Variants in STK39 observed in about 807,000 individuals in gnomAD.
STK39 encodes the protein STE20/SPS1-related proline-alanine-rich protein kinase.
In STK39, 20 loss-of-function variants were observed where a neutral mutation model predicts 77.8. That is an observed-to-expected ratio of 0.26 (90% confidence interval 0.18 to 0.37). STK39 has a LOEUF of 0.37. STK39 is among the 10% of genes least tolerant of loss of function. The pLI is 1.00. For missense variants in STK39, 479 were observed against 656.5 expected (o/e 0.73, Z 2.95); for synonymous variants, 246 against 234.1 (o/e 1.05, Z -0.47).
At chr2:168,182,146 T>C (rs1405116666) in intron 1 of STK39, 56 bp from the exon 2 acceptor site, 1 of 1,421,262 alleles carries the variant, frequency 7.0e-7, no homozygotes, top group Non-Finnish European at 9.9e-7. Context: ...GAGGTTACTA[T>C]CTGTAACTAT....
chr2:167,966,329 G>C (rs927041352), intron 16 of STK39, among the ~76,000 whole-genome samples: 5 of 152,186 alleles, frequency 3.3e-5, no homozygotes, highest in African/African-American at 1.2e-4. Context: ...ACCAAAGCCA[G>C]TATTTATCAT....
chr2:167,973,254 T>C (rs963071750), intron 16 of STK39, among the ~76,000 whole-genome samples: 3 of 152,102 alleles, frequency 2.0e-5, no homozygotes, highest in Non-Finnish European at 4.4e-5. Flanking sequence ...ACATTTGGAC[T>C]AAATTAGGCA....
rs544903175 is a variant in STK39, at chr2:168,085,932, T to C, written c.1090-10701A>G. Among the ~76,000 whole-genome samples the C allele has an allele frequency of 3.3e-5, 5 of 152,312 alleles. No individual in the cohort carries two copies. In the South Asian group the frequency reaches 1.0e-3, roughly 32 times the overall value. On this transcript the variant is annotated intron_variant, in intron 10 of 17. Transcript: ENST00000355999. ...GAAGTCTTTAAGTGCCATGTAAGCA[T>C]TCCAACTGCCTTCAGACCCCTGTGC...
intron 17 of STK39, among the ~76,000 whole-genome samples, chr2:167,960,140 A>G (rs1691908703): frequency 6.6e-6 from 1 of 152,218 alleles, no homozygotes; most frequent in African/African-American, 2.4e-5. Flanking sequence ...AAAACTCCCA[A>G]GTGGAAGGTT....
At chr2:168,075,086 T>C (rs1686043834) in intron 11 of STK39, 23 bp downstream of exon 11, 1 of 1,614,054 alleles carries the variant, frequency 6.2e-7, no homozygotes, top group Admixed American at 1.7e-5. Flanking sequence ...ACAGATTAGC[T>C]CATCGTCAAC....
At chr2:168,178,544 A>G (rs1689007948) in intron 2 of STK39, among the ~76,000 whole-genome samples, 1 of 152,216 alleles carries the variant, frequency 6.6e-6, no homozygotes, top group Non-Finnish European at 1.5e-5. Flanking sequence ...GATGGGCTTA[A>G]GCATAATACA....
chr2:168,171,869 CACACA>C (rs1688837928), intron 2 of STK39, among the ~76,000 whole-genome samples: 2 of 124,402 alleles, frequency 1.6e-5, no homozygotes, highest in Non-Finnish European at 3.2e-5. Flanking sequence ...CCCTCCCCCC[CACACA>C]CAAAACATTA....
intron 1 of STK39, among the ~76,000 whole-genome samples, chr2:168,236,594 G>C (rs995851216): frequency 6.6e-6 from 1 of 152,146 alleles, no homozygotes; most frequent in African/African-American, 2.4e-5. Flanking sequence ...GGTCTAACAT[G>C]TAAGTCTTTA....
chr2:168,198,279 T>G (rs1689525147), intron 1 of STK39, among the ~76,000 whole-genome samples: 1 of 152,194 alleles, frequency 6.6e-6, no homozygotes. Context: ...AACCTATTAA[T>G]AATTACATTA....
intron 8 of STK39, among the ~76,000 whole-genome samples, chr2:168,133,856 TA>T (rs5836171): frequency 2.7e-5 from 4 of 148,842 alleles, no homozygotes; most frequent in Admixed American, 1.3e-4. Flanking sequence ...AGACTCTGTC[TA>T]AAAAAAAAAG....
At chr2:168,146,132 C>G (rs1043545439) in intron 5 of STK39, among the ~76,000 whole-genome samples, 1 of 152,206 alleles carries the variant, frequency 6.6e-6, no homozygotes, top group African/African-American at 2.4e-5. Flanking sequence ...CATCTGGAAT[C>G]TTGGCATGTC....
At chr2:167,998,228 C>T (rs577684661) in intron 16 of STK39, among the ~76,000 whole-genome samples, 10 of 152,222 alleles carry the variant, frequency 6.6e-5, no homozygotes, top group East Asian at 3.8e-4. Context: ...CCGGTTCACC[C>T]GGACAAAGGT....
chr2:168,076,928 C>T (rs541545430), intron 10 of STK39, among the ~76,000 whole-genome samples: 3 of 152,220 alleles, frequency 2.0e-5, no homozygotes, highest in East Asian at 1.9e-4. Flanking sequence ...GAACAGATTG[C>T]TCATTTTAAT....
At chr2:168,218,969 C>T (rs1172369203) in intron 1 of STK39, among the ~76,000 whole-genome samples, 2 of 151,862 alleles carry the variant, frequency 1.3e-5, no homozygotes, top group Non-Finnish European at 2.9e-5. Context: ...ACGAAATAAG[C>T]TATAATTATG....
At chr2:168,044,150 C>T (rs569657742) in intron 14 of STK39, among the ~76,000 whole-genome samples, 2 of 152,188 alleles carry the variant, frequency 1.3e-5, no homozygotes. Context: ...AAGTAAATAA[C>T]AATAGCTGAC....
intron 10 of STK39, among the ~76,000 whole-genome samples, chr2:168,114,725 G>C (rs1466527528): frequency 1.3e-5 from 2 of 152,172 alleles, no homozygotes; most frequent in Non-Finnish European, 2.9e-5. Context: ...CTTGAGTGTA[G>C]GCACTGGTCA....
chr2:167,959,360 C>T (rs1278447189), intron 17 of STK39, among the ~76,000 whole-genome samples: 3 of 151,792 alleles, frequency 2.0e-5, no homozygotes, highest in Admixed American at 6.6e-5. Context: ...CTCCTGACCT[C>T]GTGATCCACA....
intron 12 of STK39, among the ~76,000 whole-genome samples, chr2:168,072,192 A>C (rs754852819): frequency 1.1e-4 from 17 of 152,248 alleles, no homozygotes; most frequent in Non-Finnish European, 2.4e-4. Flanking sequence ...TTTAAAAATG[A>C]CACGCTAGAT....
rs777023649 is a variant in STK39 at position 168,075,156 on chromosome 2, T to C, written c.1165A>G (p.Met389Val). 3 of 1,614,168 alleles carry C rather than the reference T, an allele frequency of 1.9e-6. No individual in the cohort carries two copies. Among genetic ancestry groups the C allele is most frequent in the South Asian group, 2.2e-5 (2 of 91,084 alleles). Residue 389 changes from methionine to valine, a missense_variant, in exon 11 of 18, where the codon ATG becomes GTG. Coordinates refer to ENST00000355999, the MANE Select transcript of STK39 (RefSeq NM_013233.3). The stretch of plus-strand genomic sequence containing the variant: ...TTCCCTTCTTCGCTCTTCTCATCCA[T>C]CTCGTCGTCACTCCACTCCCAGTCC... ...DGDWEWSDDE[M>V]DEKSEEGKAA...
Sources: allele counts gnomAD v4.1 joint callset (sites outside exome capture counted in the v4.1 genomes callset), GRCh38; gene constraint gnomAD v4.1.1; transcripts MANE v1.5; gene names NCBI Gene and HGNC (gene_info 2026-07-23, HGNC 2026-07-21).